CDK17: variants seen among roughly 807,000 people sequenced by gnomAD.
CDK17 encodes cyclin dependent kinase 17, also known as cyclin-dependent kinase 17.
A neutral mutation model predicts 77.6 loss-of-function variants in CDK17; 24 were observed. That is an observed-to-expected ratio of 0.31 (90% CI 0.22 to 0.44). The LOEUF is 0.44. CDK17 is among the 20% of genes least tolerant of loss of function. The pLI is 1.00. For missense variants in CDK17, 429 were observed against 622.5 expected, an observed-to-expected ratio of 0.69 and a Z score of 3.31; for synonymous variants, 203 against 210.4, an observed-to-expected ratio of 0.96 and a Z score of 0.30.
rs749547046 is a variant in CDK17 at position 96,286,703 on chromosome 12, T to C, written c.1177A>G (p.Thr393Ala). Reference sequence around the variant, plus strand: ...ATTAAGTGCAGTTCATCTTCCACGGTTGATCCTGGAAATAAAGGTCTTCCA... The same window carrying C: ...ATTAAGTGCAGTTCATCTTCCACGGCTGATCCTGGAAATAAAGGTCTTCCA... ...ASGRPLFPGS[T>A]VEDELHLIFR... is the part of the protein sequence containing the mutation. The change falls in exon 12 of 17, where the codon ACC becomes GCC. Residue 393 changes from threonine (T) to alanine (A), a missense_variant. By Grantham distance (58) the Thr-to-Ala change is moderately conservative (BLOSUM62 0). Coordinates refer to ENST00000261211, the MANE Select transcript of CDK17 (RefSeq NM_002595.5). 16 of 1,613,630 alleles carry C rather than the reference T, an allele frequency of 9.9e-6. No individual in the cohort carries two copies. The highest frequency in any genetic ancestry group is 1.3e-5 in the Non-Finnish European group (15 of 1,179,670).
At chr12:96,370,943 C>G (rs1163535804) in intron 1 of CDK17, among the ~76,000 whole-genome samples, 1 of 152,108 alleles carries the variant, frequency 6.6e-6, no homozygotes, top group Non-Finnish European at 1.5e-5. Context: ...AGGTTGAAAA[C>G]TCACTACCCT....
chr12:96,396,517 C>G (rs1006953569), intron 1 of CDK17, among the ~76,000 whole-genome samples: 16 of 152,110 alleles, frequency 1.1e-4, no homozygotes, highest in African/African-American at 3.6e-4. Context: ...TGCCATAAAC[C>G]TATTGTTTAT....
In CDK17 at chr12:96,279,851, A is replaced by G. The variant is rs1028648315; in HGVS notation, c.*391T>C. 1 of 164,832 alleles carries G rather than the reference A, an allele frequency of 6.1e-6. No homozygotes were observed. The highest frequency in any genetic ancestry group is 1.3e-5 in the Non-Finnish European group (1 of 76,490). 10.2% of individuals were successfully genotyped at this position (164,832 alleles called of 1,614,324 possible). A position where few individuals can be genotyped will look rare whatever the true frequency, so the allele number is the denominator to read the frequency against. ...CGTGAGGAGAAACAGATGCATTCACATATAATAAAGCCACTGCAACTTCTT... is the reference window on the plus strand; with the variant it reads ...CGTGAGGAGAAACAGATGCATTCACGTATAATAAAGCCACTGCAACTTCTT... On this transcript the variant is annotated 3_prime_UTR_variant, in exon 17 of 17. Transcript: ENST00000261211.
At chr12:96,316,594 C>G (rs555752942) in intron 3 of CDK17, among the ~76,000 whole-genome samples, 13 of 142,438 alleles carry the variant, frequency 9.1e-5, no homozygotes, top group South Asian at 6.7e-4. Context: ...TCTCCCAGCA[C>G]GCAGCTGGAG....
intron 3 of CDK17, among the ~76,000 whole-genome samples, chr12:96,321,955 A>G (rs192679378): frequency 5.5e-4 from 84 of 152,016 alleles, no homozygotes; most frequent in African/African-American, 2.0e-3. Context: ...AACTTAAAGT[A>G]TAATAAAAAA....
chr12:96,321,980 TA>T (rs973314743), intron 3 of CDK17, among the ~76,000 whole-genome samples: 4 of 151,190 alleles, frequency 2.6e-5, no homozygotes, highest in Non-Finnish European at 5.9e-5. Context: ...AATTCACACT[TA>T]AAAAAAAATC....
chr12:96,341,314 T>TACACAC (rs1419704777), intron 1 of CDK17, among the ~76,000 whole-genome samples: 1 of 66,282 alleles, frequency 1.5e-5, no homozygotes, highest in South Asian at 5.4e-4. Context: ...ACTTATCATA[T>TACACAC]ACATACACAC....
chr12:96,304,650 T>C (rs1470208890), intron 5 of CDK17, among the ~76,000 whole-genome samples: 4 of 152,218 alleles, frequency 2.6e-5, no homozygotes, highest in African/African-American at 9.7e-5. Context: ...TTTTATCCCT[T>C]AGACTTGGTG....
At chr12:96,281,083 G>A (rs539216687) in intron 15 of CDK17, among the ~76,000 whole-genome samples, 198 bp from the exon 16 acceptor site, 42 of 152,304 alleles carry the variant, frequency 2.8e-4, no homozygotes, top group African/African-American at 9.6e-4. Context: ...TCCACCTTTA[G>A]AACCTTTCTT....
chr12:96,366,842 A>G (rs1406222416), intron 1 of CDK17, among the ~76,000 whole-genome samples: 1 of 152,168 alleles, frequency 6.6e-6, no homozygotes, highest in Non-Finnish European at 1.5e-5. Flanking sequence ...CTTTTTTCTG[A>G]GTAGAAAGAT....
chr12:96,375,358 TA>T (rs1421098665), intron 1 of CDK17, among the ~76,000 whole-genome samples: 2 of 152,014 alleles, frequency 1.3e-5, no homozygotes, highest in African/African-American at 4.8e-5. Context: ...TCCACCCCTT[TA>T]CCCCACCCTC....
intron 3 of CDK17, among the ~76,000 whole-genome samples, chr12:96,318,774 A>T (rs1179654224): frequency 7.0e-6 from 1 of 143,176 alleles, no homozygotes; most frequent in Admixed American, 7.1e-5. Context: ...ACAACATACC[A>T]GAATCTCTGG....
chr12:96,366,187 G>T (rs1389117983), intron 1 of CDK17, among the ~76,000 whole-genome samples: 1 of 152,142 alleles, frequency 6.6e-6, no homozygotes, highest in Non-Finnish European at 1.5e-5. Context: ...ATTTTTAAAT[G>T]ATATCAAGTT....
At chr12:96,297,196 G>C (rs1565807865) in intron 9 of CDK17, 74 bp downstream of exon 9, 1 of 878,378 alleles carries the variant, frequency 1.1e-6, no homozygotes, top group East Asian at 2.6e-5. Flanking sequence ...TTATGAGGCT[G>C]GTACATTTCA....
intron 5 of CDK17, among the ~76,000 whole-genome samples, chr12:96,305,195 A>G (rs1952562005): frequency 6.6e-6 from 1 of 152,216 alleles, no homozygotes; most frequent in African/African-American, 2.4e-5. Flanking sequence ...ATCATAAAGG[A>G]CTACTAAATA....
intron 1 of CDK17, among the ~76,000 whole-genome samples, chr12:96,388,331 T>C (rs1346627957): frequency 6.6e-6 from 1 of 152,198 alleles, no homozygotes; most frequent in Non-Finnish European, 1.5e-5. Flanking sequence ...CTAATGGTCA[T>C]TAGATTAGAA....
intron 7 of CDK17, 127 bp from the exon 8 acceptor site, chr12:96,297,848 T>C: frequency 1.9e-6 from 1 of 534,820 alleles, no homozygotes; most frequent in African/African-American, 2.0e-5. Context: ...CTCACCCCTA[T>C]AATCCCAGCA....
At chr12:96,319,600 C>T (rs1952787096) in intron 3 of CDK17, among the ~76,000 whole-genome samples, 1 of 142,406 alleles carries the variant, frequency 7.0e-6, no homozygotes, top group African/African-American at 2.7e-5. Context: ...GCTTATCCAC[C>T]ATGATCAAGT....
At chr12:96,302,315 T>C (rs908643852) in intron 5 of CDK17, among the ~76,000 whole-genome samples, 1 of 151,482 alleles carries the variant, frequency 6.6e-6, no homozygotes, top group Non-Finnish European at 1.5e-5. Flanking sequence ...TCTTTTAATT[T>C]ATATATGTTT....
Sources: gnomAD v4.1 joint callset for allele counts (sites outside exome capture counted in the v4.1 genomes callset) on GRCh38, gnomAD v4.1.1 for gene constraint, MANE v1.5 for transcripts, NCBI Gene and HGNC (gene_info 2026-07-23, HGNC 2026-07-21) for gene names.